Variants in PLPP3 observed in about 807,000 individuals in gnomAD.
PLPP3 encodes the protein phospholipid phosphatase 3, also known as PAP2 beta.
In PLPP3, 6 loss-of-function variants were observed where a neutral mutation model predicts 29.6. The ratio of observed to expected loss-of-function variants is 0.20; its 90% confidence interval spans 0.11 to 0.40. The LOEUF (loss-of-function observed/expected upper bound fraction) is 0.40. PLPP3 is among the 10% of genes least tolerant of loss of function. The pLI, the probability that PLPP3 is intolerant of heterozygous loss-of-function variation, is 1.00. For missense variants in PLPP3, 308 were observed against 407.7 expected, an observed-to-expected ratio of 0.76 and a Z score of 2.11; for synonymous variants, 152 against 159.7, an observed-to-expected ratio of 0.95 and a Z score of 0.36.
At position 56,542,058 on chromosome 1, in the gene PLPP3, A is replaced by C. The variant is rs139286386; in HGVS notation, c.140-4946T>G. On this transcript the variant is annotated intron_variant, in intron 1 of 5. Coordinates refer to ENST00000371250, the MANE Select transcript of PLPP3 (RefSeq NM_003713.5). ...CTTTAATCAAGGATCAATTAACTTC[A>C]TATACCTCTGGGGATTTCTTGGGAT... is the stretch of plus-strand genomic sequence containing the variant. Among the ~76,000 whole-genome samples, 1,315 of 151,996 alleles carry C rather than the reference A, an allele frequency of 8.7e-3. 13 individuals carry two copies. Among genetic ancestry groups the C allele is most frequent in the African/African-American group, 0.03 (1,255 of 41,454 alleles).
intron 1 of PLPP3, among the ~76,000 whole-genome samples, chr1:56,558,567 C>T (rs989061977): frequency 3.9e-5 from 6 of 152,220 alleles, no homozygotes; most frequent in Admixed American, 6.5e-5. Context: ...AGTTTCTAAA[C>T]ACTTAAGGGT....
At position 56,556,925 on chromosome 1, in the gene PLPP3, A is replaced by C. The variant is rs528051296; in HGVS notation, c.140-19813T>G. On this transcript the variant is annotated intron_variant, in intron 1 of 5. Transcript: ENST00000371250. ...AGGGGAGGGGAGTGGAGGGAGAAAG[A>C]AAGAGAGAGAGAGAGAGAGAGACAG... Among the ~76,000 whole-genome samples, 17 of 135,764 alleles carry C rather than the reference A, an allele frequency of 1.3e-4. No homozygotes were observed. In the East Asian group the frequency reaches 3.3e-3, roughly 26 times the overall value. 89.1% of individuals were successfully genotyped at this position (135,764 alleles called of 152,430 possible). A position where few individuals can be genotyped will look rare whatever the true frequency, so the allele number is the denominator to read the frequency against.
chr1:56,575,240 A>G (rs1272231308), intron 1 of PLPP3, among the ~76,000 whole-genome samples: 2 of 152,156 alleles, frequency 1.3e-5, no homozygotes, highest in Admixed American at 6.5e-5. Flanking sequence ...ACACAATGCA[A>G]CTCGATAGTG....
At chr1:56,500,964 A>G (rs966283871) in intron 5 of PLPP3, among the ~76,000 whole-genome samples, 1 of 131,168 alleles carries the variant, frequency 7.6e-6, no homozygotes, top group African/African-American at 2.9e-5. Context: ...AGATGGTGCC[A>G]TTGCACTCCA....
chr1:56,508,426 C>A (rs1645718496), intron 5 of PLPP3, among the ~76,000 whole-genome samples: 1 of 152,198 alleles, frequency 6.6e-6, no homozygotes, highest in Non-Finnish European at 1.5e-5. Context: ...TCCGTAAAGG[C>A]TTGGCTCAGG....
intron 1 of PLPP3, among the ~76,000 whole-genome samples, chr1:56,558,455 T>C (rs969468355): frequency 3.3e-5 from 5 of 152,228 alleles, no homozygotes; most frequent in Non-Finnish European, 7.3e-5. Context: ...AGATAAACTA[T>C]GTCTAATCCA....
At chr1:56,521,140 TGGAA>T (rs2100245283) in intron 4 of PLPP3, among the ~76,000 whole-genome samples, 2 of 143,268 alleles carry the variant, frequency 1.4e-5, no homozygotes, top group East Asian at 4.2e-4. Context: ...GTGGCTGAGG[TGGAA>T]GGATCACCTG....
At chr1:56,535,846 G>A (rs995624884) in intron 2 of PLPP3, among the ~76,000 whole-genome samples, 1 of 152,228 alleles carries the variant, frequency 6.6e-6, no homozygotes, top group Non-Finnish European at 1.5e-5. Context: ...CTGCTGCAGA[G>A]TGCAATTCCA....
At chr1:56,556,609 G>T (rs7553307) in intron 1 of PLPP3, among the ~76,000 whole-genome samples, 131,553 of 151,952 alleles carry the variant, frequency 0.87, 57,141 homozygotes, top group Non-Finnish European at 0.9. Flanking sequence ...AAGCAACATT[G>T]TTATGCTAGT....
intron 1 of PLPP3, among the ~76,000 whole-genome samples, chr1:56,562,522 T>C (rs1646137687): frequency 1.3e-5 from 2 of 152,198 alleles, no homozygotes; most frequent in Admixed American, 6.5e-5. Flanking sequence ...AAAAAAAATA[T>C]TCATTGTACA....
At chr1:56,521,097 T>C (rs2100245234) in intron 4 of PLPP3, among the ~76,000 whole-genome samples, 1 of 151,132 alleles carries the variant, frequency 6.6e-6, no homozygotes, top group Non-Finnish European at 1.5e-5. Flanking sequence ...TAGCTGGGTG[T>C]GGTGGCATGT....
intron 1 of PLPP3, among the ~76,000 whole-genome samples, chr1:56,555,999 C>A (rs938526390): frequency 1.1e-4 from 16 of 152,104 alleles, no homozygotes; most frequent in Non-Finnish European, 2.4e-4. Flanking sequence ...ATTTTCTATT[C>A]ATGAGTAGGA....
chr1:56,575,134 C>T (rs1388681437), intron 1 of PLPP3, among the ~76,000 whole-genome samples: 2 of 152,112 alleles, frequency 1.3e-5, no homozygotes, highest in African/African-American at 2.4e-5. Context: ...TACTAGAAAT[C>T]GGTCACCGCA....
chr1:56,499,612 G>A (rs1019512058), intron 5 of PLPP3, among the ~76,000 whole-genome samples: 2 of 152,152 alleles, frequency 1.3e-5, no homozygotes, highest in African/African-American at 4.8e-5. Flanking sequence ...CTGCCTGCAC[G>A]GAGCCAAGCG....
chr1:56,498,466 T>C (rs1645643553), intron 5 of PLPP3, among the ~76,000 whole-genome samples: 1 of 152,062 alleles, frequency 6.6e-6, no homozygotes. Context: ...CAGCTCCACA[T>C]TTTCCCTTAT....
chr1:56,528,379 G>C (rs554015261), intron 2 of PLPP3, among the ~76,000 whole-genome samples: 1 of 152,244 alleles, frequency 6.6e-6, no homozygotes, highest in South Asian at 2.1e-4. Context: ...ATATTTAACT[G>C]TTATGGAGAG....
intron 1 of PLPP3, among the ~76,000 whole-genome samples, chr1:56,541,966 CAAAA>C (rs71813861): frequency 1.5e-4 from 19 of 126,602 alleles, no homozygotes; most frequent in Admixed American, 3.9e-4. Context: ...AAAGCATGAC[CAAAA>C]AAAAAAAAAA....
At chr1:56,506,816 G>A (rs1275118324) in intron 5 of PLPP3, among the ~76,000 whole-genome samples, 1 of 151,894 alleles carries the variant, frequency 6.6e-6, no homozygotes, top group African/African-American at 2.4e-5. Context: ...TTTTTTATTC[G>A]TCTGTCTGTT....
At chr1:56,555,780 G>A (rs564719696) in intron 1 of PLPP3, among the ~76,000 whole-genome samples, 3 of 152,292 alleles carry the variant, frequency 2.0e-5, no homozygotes, top group South Asian at 4.1e-4. Context: ...CATCGCTGGG[G>A]ATTACAGGTG....
Sources: allele counts gnomAD v4.1 joint callset (sites outside exome capture counted in the v4.1 genomes callset), GRCh38; gene constraint gnomAD v4.1.1; transcripts MANE v1.5; gene names NCBI Gene and HGNC (gene_info 2026-07-23, HGNC 2026-07-21).